Variants in RALGPS1 observed in about 807,000 individuals in gnomAD.
RALGPS1 encodes the protein Ral GEF with PH domain and SH3 binding motif 1.
In RALGPS1, 19 loss-of-function variants were observed where a neutral mutation model predicts 78.8. The ratio of observed to expected loss-of-function variants is 0.24; its 90% confidence interval spans 0.17 to 0.35. The LOEUF is 0.35. Among genes scored for constraint, RALGPS1 ranks in the 10% least tolerant of loss-of-function variants. The pLI, the probability that RALGPS1 is intolerant of heterozygous loss-of-function variation, is 1.00. For synonymous variants in RALGPS1, 228 were observed against 256.3 expected (o/e 0.89, Z 1.06); for missense variants, 454 against 688.3 (o/e 0.66, Z 3.81).
intron 8 of RALGPS1, among the ~76,000 whole-genome samples, chr9:127,106,311 T>A (rs1449149115): frequency 6.6e-6 from 1 of 152,184 alleles, no homozygotes; most frequent in East Asian, 1.9e-4. Flanking sequence ...CCCTGCCCTC[T>A]CTTTCAGAGC....
At chr9:126,926,251 T>C (rs1210667807) in intron 1 of RALGPS1, among the ~76,000 whole-genome samples, 3 of 152,208 alleles carry the variant, frequency 2.0e-5, no homozygotes, top group African/African-American at 7.2e-5. Flanking sequence ...AAGCATGTAA[T>C]AGGGCTTGAC....
intron 5 of RALGPS1, among the ~76,000 whole-genome samples, chr9:127,045,788 C>T (rs1224510061): frequency 6.8e-6 from 1 of 146,204 alleles, no homozygotes; most frequent in Non-Finnish European, 1.5e-5. Context: ...CACACACACA[C>T]ACACACACAA....
intron 3 of RALGPS1, among the ~76,000 whole-genome samples, chr9:126,968,742 T>C (rs956420945): frequency 6.6e-6 from 1 of 152,212 alleles, no homozygotes; most frequent in East Asian, 1.9e-4. Flanking sequence ...AAGCTACATA[T>C]GCAATTTAAA....
intron 4 of RALGPS1, among the ~76,000 whole-genome samples, chr9:127,001,294 A>G (rs2043287188): frequency 6.6e-6 from 1 of 151,914 alleles, no homozygotes; most frequent in African/African-American, 2.4e-5. Context: ...CTCAAAAAAA[A>G]AAAAAAAAGT....
Position 127,073,872 on chromosome 9 carries a change from T to G in RALGPS1, c.610+4516T>G, listed in dbSNP as rs115985085. Among the ~76,000 whole-genome samples, 784 of 152,216 alleles carry G rather than the reference T, an allele frequency of 5.2e-3. 10 individuals are homozygous for G. Among genetic ancestry groups the G allele is most frequent in the African/African-American group, 0.018 (752 of 41,554 alleles). On this transcript the variant is annotated intron_variant, in intron 8 of 18. Transcript: ENST00000259351. ...CTTTGGCTATAGTTTAGATTTTAAT[T>G]TTTTATTTTATTATTATTATTTTTT...
intron 11 of RALGPS1, among the ~76,000 whole-genome samples, chr9:127,193,234 G>T (rs1384243246): frequency 1.3e-5 from 2 of 152,190 alleles, no homozygotes; most frequent in Non-Finnish European, 2.9e-5. Context: ...CATGGCCACT[G>T]CAAGGGTGGC....
intron 8 of RALGPS1, among the ~76,000 whole-genome samples, chr9:127,097,739 T>C (rs1240960743): frequency 2.0e-5 from 3 of 152,180 alleles, no homozygotes; most frequent in African/African-American, 7.2e-5. Context: ...AATGCCCTCG[T>C]AGGGGGCCAG....
At chr9:126,970,502 A>G (rs774043413) in intron 3 of RALGPS1, among the ~76,000 whole-genome samples, 41 of 152,232 alleles carry the variant, frequency 2.7e-4, no homozygotes, top group Non-Finnish European at 3.7e-4. Context: ...TCTTGAAACC[A>G]GGCAACTAGG....
At chr9:127,104,675 A>G (rs2054047300) in intron 8 of RALGPS1, among the ~76,000 whole-genome samples, 1 of 152,264 alleles carries the variant, frequency 6.6e-6, no homozygotes. Context: ...GGCTGGGAAC[A>G]GGCTTGTGGT....
intron 1 of RALGPS1, among the ~76,000 whole-genome samples, chr9:126,960,193 TTCCTTCCCTCCCTCCCTCCCTCCCTC>T (rs2038753642): frequency 5.3e-5 from 2 of 37,496 alleles, no homozygotes; most frequent in African/African-American, 1.4e-4. Flanking sequence ...CCTCCCTCCC[TTCCTTCCCTCCCTCCCTCCCTCCCTC>T]CCTTCCTTCC....
rs2039442954 is a variant in RALGPS1, at chr9:126,965,912, T to C, written c.126T>C (p.Val42=). 8.7e-6 allele frequency: 14 copies of C among 1,614,134 alleles called. No homozygotes were observed. Among genetic ancestry groups the C allele is most frequent in the Non-Finnish European group, 1.2e-5 (14 of 1,179,976 alleles). ...CDYASKSYDA[V]VFDVLKVTPE... ...ATGCCAGCAAGAGCTATGATGCCGT[T>C]GTCTTCGATGTCTTGAAAGTGACCC... is the stretch of plus-strand genomic sequence containing the variant. The change falls in exon 3 of 19, where the codon GTT becomes GTC. Residue 42 remains valine (V), a synonymous_variant. Transcript: ENST00000259351.
intron 1 of RALGPS1, among the ~76,000 whole-genome samples, chr9:126,924,773 A>G (rs1285032109): frequency 6.6e-6 from 1 of 152,330 alleles, no homozygotes; most frequent in East Asian, 1.9e-4. Flanking sequence ...CCATCCATGC[A>G]GTTCTTGTCC....
chr9:127,133,730 C>T (rs1395563730), intron 8 of RALGPS1, among the ~76,000 whole-genome samples: 2 of 152,234 alleles, frequency 1.3e-5, no homozygotes. Flanking sequence ...CCAAAACTCT[C>T]CTGGTTTCTA....
intron 7 of RALGPS1, among the ~76,000 whole-genome samples, chr9:127,062,905 A>T (rs1036448397): frequency 2.0e-5 from 3 of 152,200 alleles, no homozygotes; most frequent in Non-Finnish European, 2.9e-5. Context: ...AAATTATTTT[A>T]AAAATTCCAG....
At chr9:126,921,670 T>C (rs1199349891) in intron 1 of RALGPS1, among the ~76,000 whole-genome samples, 2 of 152,240 alleles carry the variant, frequency 1.3e-5, no homozygotes, top group Non-Finnish European at 2.9e-5. Flanking sequence ...TGGGTTTGTG[T>C]CCTGACACCA....
At chr9:127,213,871 C>G (rs1166709767) in intron 17 of RALGPS1, 3 of 152,240 alleles carry the variant, frequency 2.0e-5, no homozygotes, top group Non-Finnish European at 4.4e-5. Context: ...CCGGGCGATG[C>G]AGATGGCAGT....
At chr9:127,037,069 TAA>T (rs1361857476) in intron 5 of RALGPS1, among the ~76,000 whole-genome samples, 1 of 152,238 alleles carries the variant, frequency 6.6e-6, no homozygotes, top group Non-Finnish European at 1.5e-5. Context: ...TCCTCATTTA[TAA>T]AACAGGAAGA....
chr9:126,986,445 G>A (rs1023483528), intron 4 of RALGPS1, among the ~76,000 whole-genome samples: 1 of 152,120 alleles, frequency 6.6e-6, no homozygotes, highest in Non-Finnish European at 1.5e-5. Flanking sequence ...AGGGCTTGGG[G>A]CAAGGGCTGC....
At chr9:126,998,648 C>T (rs1163710626) in intron 4 of RALGPS1, among the ~76,000 whole-genome samples, 3 of 152,118 alleles carry the variant, frequency 2.0e-5, no homozygotes, top group African/African-American at 7.2e-5. Flanking sequence ...TACCATTTGA[C>T]CCAGCCATCC....
Sources: gnomAD v4.1 joint callset for allele counts (sites outside exome capture counted in the v4.1 genomes callset) on GRCh38, gnomAD v4.1.1 for gene constraint, MANE v1.5 for transcripts, NCBI Gene and HGNC (gene_info 2026-07-23, HGNC 2026-07-21) for gene names.